LUC7L2: variants seen among roughly 807,000 people sequenced by gnomAD.
The protein encoded by LUC7L2 is LUC7 like 2, pre-mRNA splicing factor, also known as putative RNA-binding protein Luc7-like 2.
In LUC7L2, 25 loss-of-function variants were observed where a neutral mutation model predicts 52.8. The observed-to-expected ratio is 0.47, with a 90% CI of 0.34 to 0.66. LUC7L2 has a LOEUF of 0.66. LUC7L2 is among the 30% of genes least tolerant of loss of function. The pLI, the probability that LUC7L2 is intolerant of heterozygous loss-of-function variation, is 0.01. For synonymous variants in LUC7L2, 144 were observed against 160.9 expected, an observed-to-expected ratio of 0.89 and a Z score of 0.80; for missense variants, 328 against 497.8, an observed-to-expected ratio of 0.66 and a Z score of 3.25.
intron 4 of LUC7L2, among the ~76,000 whole-genome samples, chr7:139,404,601 T>G (rs1003623666): frequency 1.3e-5 from 2 of 152,236 alleles, no homozygotes; most frequent in East Asian, 3.8e-4. Context: ...AAATAATGAT[T>G]ATATGTATGT....
chr7:139,409,860 C>G (rs1795280196), intron 7 of LUC7L2, among the ~76,000 whole-genome samples: 1 of 152,110 alleles, frequency 6.6e-6, no homozygotes, highest in Non-Finnish European at 1.5e-5. Context: ...AATGTGATTT[C>G]CTTTAAAATG....
chr7:139,373,482 A>G (rs1053390429), intron 1 of LUC7L2, among the ~76,000 whole-genome samples: 2 of 152,180 alleles, frequency 1.3e-5, no homozygotes, highest in Non-Finnish European at 2.9e-5. Flanking sequence ...TGGAGCACCC[A>G]TTCATTTGCG....
intron 8 of LUC7L2, among the ~76,000 whole-genome samples, chr7:139,413,449 T>G (rs1192408207): frequency 6.6e-6 from 1 of 152,146 alleles, no homozygotes; most frequent in South Asian, 2.1e-4. Context: ...TCCCAAGAAG[T>G]TTTCCCTAAA....
At chr7:139,415,594 T>TG (rs1795558370) in intron 8 of LUC7L2, among the ~76,000 whole-genome samples, 1 of 110,112 alleles carries the variant, frequency 9.1e-6, no homozygotes, top group Non-Finnish European at 1.7e-5. Flanking sequence ...TTTTTTTTTT[T>TG]GAGACAGGGT....
chr7:139,359,692 C>G (rs926583421), upstream of LUC7L2: 2 of 398,052 alleles, frequency 5.0e-6, no homozygotes, highest in African/African-American at 2.1e-5. Flanking sequence ...GGTTTGGCGC[C>G]TCGGGGCGGA....
At chr7:139,340,764 T>C (rs944223577) in intron 1 of LUC7L2, 3 of 373,468 alleles carry the variant, frequency 8.0e-6, no homozygotes, top group Admixed American at 4.6e-5. Flanking sequence ...TCGAGTCCCA[T>C]CTGGGGTGGC....
intron 2 of LUC7L2, among the ~76,000 whole-genome samples, chr7:139,394,882 G>A (rs1212563041): frequency 2.0e-5 from 3 of 152,166 alleles, no homozygotes; most frequent in Admixed American, 2.0e-4. Flanking sequence ...TGCAAAGAAT[G>A]GGACTAAAAC....
At chr7:139,400,143 G>C (rs2131278717) in intron 3 of LUC7L2, among the ~76,000 whole-genome samples, 1 of 152,016 alleles carries the variant, frequency 6.6e-6, no homozygotes. Context: ...GCCTTGCGGG[G>C]GTATTTTTAT....
intron 1 of LUC7L2, chr7:139,341,449 G>A: frequency 6.2e-7 from 1 of 1,613,606 alleles, no homozygotes; most frequent in Non-Finnish European, 8.5e-7. Flanking sequence ...CGCTACCTGA[G>A]CGCGGCCACC....
At chr7:139,406,655 G>T (rs1013201466) in intron 5 of LUC7L2, among the ~76,000 whole-genome samples, 1 of 151,858 alleles carries the variant, frequency 6.6e-6, no homozygotes, top group Non-Finnish European at 1.5e-5. Context: ...GGCCTGGCCT[G>T]TTTTTTTGTT....
intron 1 of LUC7L2, 127 bp downstream of exon 1, chr7:139,360,449 T>TC (rs756923702): frequency 6.1e-5 from 48 of 784,084 alleles, no homozygotes; most frequent in Non-Finnish European, 5.6e-5. Context: ...TAACACGAGG[T>TC]CCCCGTCCCC....
chr7:139,352,840 TAA>T (rs1799496143), intron 1 of LUC7L2, among the ~76,000 whole-genome samples: 1 of 152,184 alleles, frequency 6.6e-6, no homozygotes, highest in Admixed American at 6.6e-5. Flanking sequence ...GTCTGTAAAG[TAA>T]GTTTTAATTT....
chr7:139,398,512 T>C, intron 2 of LUC7L2, 87 bp from the exon 3 acceptor site: 14 of 1,036,308 alleles, frequency 1.4e-5, no homozygotes, highest in Non-Finnish European at 1.9e-5. Context: ...TATGACTTAA[T>C]ATGTATTCTG....
chr7:139,386,010 T>G (rs1454435957), intron 2 of LUC7L2, among the ~76,000 whole-genome samples: 1 of 151,198 alleles, frequency 6.6e-6, no homozygotes, highest in African/African-American at 2.4e-5. Context: ...AAACAATAAT[T>G]TTTTTTTTTG....
chr7:139,360,353 G>T (rs1172466695), intron 1 of LUC7L2, 31 bp downstream of exon 1: 3 of 1,544,244 alleles, frequency 1.9e-6, no homozygotes, highest in Non-Finnish European at 2.6e-6. Flanking sequence ...TGGGGGTGGG[G>T]GAGGGGACGG....
At chr7:139,393,494 C>T (rs568831800) in intron 2 of LUC7L2, among the ~76,000 whole-genome samples, 4 of 151,870 alleles carry the variant, frequency 2.6e-5, no homozygotes, top group Non-Finnish European at 5.9e-5. Context: ...CTCTGTTTCC[C>T]GGGCTGGAGT....
intron 2 of LUC7L2, among the ~76,000 whole-genome samples, chr7:139,383,983 G>C (rs6974907): frequency 0.39 from 58,279 of 151,292 alleles, 15,670 homozygotes; most frequent in African/African-American, 0.77. Flanking sequence ...CTCCTGACCT[G>C]AAGTGACCCA....
intron 1 of LUC7L2, chr7:139,375,292 T>C: frequency 2.0e-6 from 2 of 985,346 alleles, no homozygotes; most frequent in Non-Finnish European, 2.4e-6. Context: ...GGTAGGTGTA[T>C]TGTGTTATAT....
chr7:139,371,361 A>G, intron 1 of LUC7L2: 4 of 814,572 alleles, frequency 4.9e-6, no homozygotes, highest in Admixed American at 4.0e-5. Flanking sequence ...AAATTACAAT[A>G]CTAAACTCAG....
Sources: allele counts gnomAD v4.1 joint callset (sites outside exome capture counted in the v4.1 genomes callset), GRCh38; gene constraint gnomAD v4.1.1; transcripts MANE v1.5; gene names NCBI Gene and HGNC (gene_info 2026-07-23, HGNC 2026-07-21).